The following KCNQ1OT1 variants were observed in gnomAD, a reference collection of about 807,000 sequenced individuals.
The protein encoded by KCNQ1OT1 is KCNQ1 opposite strand/antisense transcript 1.
chr11:2,683,491 T>A lies in KCNQ1OT1; in HGVS notation n.16504A>T. 2 of 398,638 alleles carry A rather than the reference T, an allele frequency of 5.0e-6. No homozygotes were observed. Among genetic ancestry groups the A allele is most frequent in the Admixed American group, 4.4e-5 (1 of 22,742 alleles). 24.7% of individuals were successfully genotyped at this position (398,638 alleles called of 1,614,324 possible). Reference sequence around the variant, plus strand: ...CAATGACAGTTTTCCTATTAAAACATAACTTGTTAAAGCATAGAGCTTAGT... The same window carrying A: ...CAATGACAGTTTTCCTATTAAAACAAAACTTGTTAAAGCATAGAGCTTAGT... On this transcript the variant is annotated non_coding_transcript_exon_variant, in exon 1 of 1. Coordinates refer to ENST00000597346, the Ensembl canonical transcript of KCNQ1OT1. This position sits in a 1 kb window ranked among gnomAD's most constrained non-coding sequence, Gnocchi z 4.7.
At chr11:2,610,655 A>G (rs564900053) in exon 1 of KCNQ1OT1, 121 of 390,788 alleles carry the variant, frequency 3.1e-4, no homozygotes, top group Middle Eastern at 6.3e-4. Flanking sequence ...TTTATCTGGG[A>G]ATGCTTTTAT....
In KCNQ1OT1 at chr11:2,642,185, T is replaced by C. The variant is rs1849590849; in HGVS notation, n.57810A>G. 1 of 398,384 alleles carries C rather than the reference T, an allele frequency of 2.5e-6. No individual in the cohort carries two copies. Among genetic ancestry groups the C allele is most frequent in the African/African-American group, 2.1e-5 (1 of 48,638 alleles). 24.7% of individuals were successfully genotyped at this position (398,384 alleles called of 1,614,324 possible). Reference sequence around the variant, plus strand: ...CATTGGTATTTTGAGAGAGACTGCATTGAATCTGTAGATTGCTTTGGGTAG... The same window carrying C: ...CATTGGTATTTTGAGAGAGACTGCACTGAATCTGTAGATTGCTTTGGGTAG... On this transcript the variant is annotated non_coding_transcript_exon_variant, in exon 1 of 1. Coordinates refer to ENST00000597346, the Ensembl canonical transcript of KCNQ1OT1. This position sits in a 1 kb window ranked among gnomAD's most constrained non-coding sequence, Gnocchi z 4.3.
At chr11:2,636,343 T>G (rs553467771) in exon 1 of KCNQ1OT1, 105 of 152,066 alleles carry the variant, frequency 6.9e-4, no homozygotes, top group African/African-American at 2.3e-3. Context: ...GCTCTTATTA[T>G]TTTGAGATAC....
In KCNQ1OT1 at chr11:2,658,366, A is replaced by C; in HGVS notation, n.41629T>G. Reference sequence around the variant, plus strand: ...ATTTTATCAGTGTGGATTTGGGAGTATTTATTTTTTGAGTTATAGTCCAAT... The same window carrying C: ...ATTTTATCAGTGTGGATTTGGGAGTCTTTATTTTTTGAGTTATAGTCCAAT... On this transcript the variant is annotated non_coding_transcript_exon_variant, in exon 1 of 1. Coordinates refer to ENST00000597346, the Ensembl canonical transcript of KCNQ1OT1. The surrounding 1 kb of genome is among the most constrained non-coding windows in gnomAD (Gnocchi z 4.9). 2.5e-6 allele frequency: 1 copy of C among 398,396 alleles called. No homozygotes were observed. The highest frequency in any genetic ancestry group is 4.4e-6 in the Non-Finnish European group (1 of 225,988). 24.7% of individuals were successfully genotyped at this position (398,396 alleles called of 1,614,324 possible).
chr11:2,646,702 G>A (rs974207201), exon 1 of KCNQ1OT1: 1 of 398,510 alleles, frequency 2.5e-6, no homozygotes. Flanking sequence ...TTTTTGTACT[G>A]ATGAGGTTTT....
chr11:2,620,517 A>T lies in KCNQ1OT1; in HGVS notation n.79478T>A. 2.6e-6 allele frequency: 1 copy of T among 387,360 alleles called. No individual in the cohort carries two copies. The highest frequency in any genetic ancestry group is 1.4e-4 in the South Asian group (1 of 6,926). The allele number at this position is 387,360 out of a possible 1,614,324, so 24.0% of individuals were successfully genotyped here. A position where few individuals can be genotyped will look rare whatever the true frequency, so the allele number is the denominator to read the frequency against. ...AGGTGAGAGCTACCGCACCTGGCCG[A>T]ATTCATTCATTTTTATGGCTGCATA... is the stretch of plus-strand genomic sequence containing the variant. On this transcript the variant is annotated non_coding_transcript_exon_variant, in exon 1 of 1. Transcript: ENST00000597346. The surrounding 1 kb of genome is among the most constrained non-coding windows in gnomAD (Gnocchi z 4.5).
At chr11:2,619,910 G>C (rs993422368) in exon 1 of KCNQ1OT1, 10 of 398,096 alleles carry the variant, frequency 2.5e-5, no homozygotes, top group Non-Finnish European at 4.4e-5. Context: ...TATGTTGCAT[G>C]GTATATGGAG....
exon 1 of KCNQ1OT1, chr11:2,615,113 C>T: frequency 2.5e-6 from 1 of 398,262 alleles, no homozygotes; most frequent in Non-Finnish European, 4.4e-6. Flanking sequence ...CTTTCACCTT[C>T]TTGTTTTAAT....
chr11:2,653,222 C>G lies in KCNQ1OT1; in HGVS notation n.46773G>C. 1 of 398,758 alleles carries G rather than the reference C, an allele frequency of 2.5e-6. No individual in the cohort carries two copies. The highest frequency in any genetic ancestry group is 4.4e-6 in the Non-Finnish European group (1 of 226,134). The allele number at this position is 398,758 out of a possible 1,614,324, so 24.7% of individuals were successfully genotyped here. A position where few individuals can be genotyped will look rare whatever the true frequency, so the allele number is the denominator to read the frequency against. On this transcript the variant is annotated non_coding_transcript_exon_variant, in exon 1 of 1. Coordinates refer to ENST00000597346, the Ensembl canonical transcript of KCNQ1OT1. This position sits in a 1 kb window ranked among gnomAD's most constrained non-coding sequence, Gnocchi z 5.3. The stretch of plus-strand genomic sequence containing the variant: ...GCAGGGCTAGGGCCAGGGCCTTGGC[C>G]TCAGGCCAGCTTCTTTCCCACAAGC...
At chr11:2,672,154 T>G (rs538484127) in exon 1 of KCNQ1OT1, 1 of 398,718 alleles carries the variant, frequency 2.5e-6, no homozygotes, top group African/African-American at 2.1e-5. Context: ...CTTTCAAAGT[T>G]GGGCTTGTTT....
chr11:2,682,156 A>C lies in KCNQ1OT1; in HGVS notation n.17839T>G, dbSNP rs1850409204. On this transcript the variant is annotated non_coding_transcript_exon_variant, in exon 1 of 1. Coordinates refer to ENST00000597346, the Ensembl canonical transcript of KCNQ1OT1. This position sits in a 1 kb window ranked among gnomAD's most constrained non-coding sequence, Gnocchi z 5.8. Reference sequence around the variant, plus strand: ...GCTCATCAAATATTCTTTCAGTATTAAACATATCAAGCTCTCTCCTGACCT... The same window carrying C: ...GCTCATCAAATATTCTTTCAGTATTCAACATATCAAGCTCTCTCCTGACCT... 6 of 398,466 alleles carry C rather than the reference A, an allele frequency of 1.5e-5. No individual in the cohort carries two copies. In the South Asian group the frequency reaches 7.7e-4, roughly 51 times the overall value. The allele number at this position is 398,466 out of a possible 1,614,324, so 24.7% of individuals were successfully genotyped here.
rs1475154639 is a variant in KCNQ1OT1, at chr11:2,674,831, TTAA to T, written n.25161_25163del. 566 of 365,864 alleles carry T rather than the reference TTAA, an allele frequency of 1.5e-3. No homozygotes were observed. Among genetic ancestry groups the T allele is most frequent in the East Asian group, 8.3e-3 (213 of 25,614 alleles). The allele number at this position is 365,864 out of a possible 1,614,324, so 22.7% of individuals were successfully genotyped here. A position where few individuals can be genotyped will look rare whatever the true frequency, so the allele number is the denominator to read the frequency against. On this transcript the variant is annotated non_coding_transcript_exon_variant, in exon 1 of 1. Transcript: ENST00000597346. This position sits in a 1 kb window ranked among gnomAD's most constrained non-coding sequence, Gnocchi z 5.9. The stretch of plus-strand genomic sequence containing the variant: ...GGCTTGTCACCCTAATAGCTGTTTT[TTAA>T]AAAAAAAAAAAAAAAAAAAAAAAAA...
At position 2,627,232 on chromosome 11, in the gene KCNQ1OT1, A is replaced by T. The variant is rs1849275417; in HGVS notation, n.72763T>A. The T allele has an allele frequency of 1.3e-5, 5 of 398,564 alleles. No homozygotes were observed. In the East Asian group the frequency reaches 1.8e-4, roughly 14 times the overall value. The allele number at this position is 398,564 out of a possible 1,614,324, so 24.7% of individuals were successfully genotyped here. A position where few individuals can be genotyped will look rare whatever the true frequency, so the allele number is the denominator to read the frequency against. ...AAATTAAAAGTGCATATATTTAAGAACATATTTGACCTACTGTGAAATGAT... is the reference window on the plus strand; with the variant it reads ...AAATTAAAAGTGCATATATTTAAGATCATATTTGACCTACTGTGAAATGAT... On this transcript the variant is annotated non_coding_transcript_exon_variant, in exon 1 of 1. Coordinates refer to ENST00000597346, the Ensembl canonical transcript of KCNQ1OT1. The surrounding 1 kb of genome is among the most constrained non-coding windows in gnomAD (Gnocchi z 4.9).
exon 1 of KCNQ1OT1, chr11:2,684,143 T>C (rs1162619668): frequency 2.5e-6 from 1 of 398,506 alleles, no homozygotes; most frequent in Non-Finnish European, 4.4e-6. Flanking sequence ...CCTTGAAGAA[T>C]GGGGTACACC....
rs970792015 is a variant in KCNQ1OT1 at position 2,657,737 on chromosome 11, G to A, written n.42258C>T. ...ATTACATTTATTGTCATCTCTGATC[G>A]GTGACGGGCTTCTCAGTCTTGTTCT... On this transcript the variant is annotated non_coding_transcript_exon_variant, in exon 1 of 1. Coordinates refer to ENST00000597346, the Ensembl canonical transcript of KCNQ1OT1. The surrounding 1 kb of genome is among the most constrained non-coding windows in gnomAD (Gnocchi z 4.8). 4.0e-5 allele frequency: 16 copies of A among 398,356 alleles called. No individual in the cohort carries two copies. Among genetic ancestry groups the A allele is most frequent in the African/African-American group, 1.4e-4 (7 of 48,564 alleles). 24.7% of individuals were successfully genotyped at this position (398,356 alleles called of 1,614,324 possible).
Position 2,661,103 on chromosome 11 carries a change from C to T in KCNQ1OT1, n.38892G>A, listed in dbSNP as rs927347930. On this transcript the variant is annotated non_coding_transcript_exon_variant, in exon 1 of 1. Coordinates refer to ENST00000597346, the Ensembl canonical transcript of KCNQ1OT1. This position sits in a 1 kb window ranked among gnomAD's most constrained non-coding sequence, Gnocchi z 5.9. ...CCCATGTGCATAAAAGCAACTCCCA[C>T]CTGGCATCTGCTGCTCGGATGAGCA... is the stretch of plus-strand genomic sequence containing the variant. The T allele has an allele frequency of 5.0e-6, 2 of 398,456 alleles. No individual in the cohort carries two copies. Among genetic ancestry groups the T allele is most frequent in the Non-Finnish European group, 8.8e-6 (2 of 226,056 alleles). The allele number at this position is 398,456 out of a possible 1,614,324, so 24.7% of individuals were successfully genotyped here.
chr11:2,678,225 T>C lies in KCNQ1OT1; in HGVS notation n.21770A>G. ...CATAGTCAGCTGTGTCAGTCTTTTA[T>C]GGTTTGAGGTCCTTATCTTAAATTC... On this transcript the variant is annotated non_coding_transcript_exon_variant, in exon 1 of 1. Coordinates refer to ENST00000597346, the Ensembl canonical transcript of KCNQ1OT1. The surrounding 1 kb of genome is among the most constrained non-coding windows in gnomAD (Gnocchi z 4.9). The C allele has an allele frequency of 5.0e-6, 2 of 398,430 alleles. No homozygotes were observed. The highest frequency in any genetic ancestry group is 4.4e-6 in the Non-Finnish European group (1 of 225,972). The allele number at this position is 398,430 out of a possible 1,614,324, so 24.7% of individuals were successfully genotyped here.
In KCNQ1OT1 at chr11:2,658,098, G is replaced by GC. The variant is rs1849884036; in HGVS notation, n.41896dup. The GC allele has an allele frequency of 2.5e-6, 1 of 398,404 alleles. No individual in the cohort carries two copies. Among genetic ancestry groups the GC allele is most frequent in the African/African-American group, 2.1e-5 (1 of 48,590 alleles). The allele number at this position is 398,404 out of a possible 1,614,324, so 24.7% of individuals were successfully genotyped here. A position where few individuals can be genotyped will look rare whatever the true frequency, so the allele number is the denominator to read the frequency against. ...AGGGAGGGGTTCAACTCTACCTCCT[G>GC]CAGGAGAGTATCAAAAAAAATCTGC... On this transcript the variant is annotated non_coding_transcript_exon_variant, in exon 1 of 1. Coordinates refer to ENST00000597346, the Ensembl canonical transcript of KCNQ1OT1. This position sits in a 1 kb window ranked among gnomAD's most constrained non-coding sequence, Gnocchi z 4.9.
At position 2,698,756 on chromosome 11, in the gene KCNQ1OT1, A is replaced by G. The variant is rs1850720189; in HGVS notation, n.1239T>C. The G allele has an allele frequency of 5.0e-6, 2 of 398,698 alleles. No homozygotes were observed. The highest frequency in any genetic ancestry group is 4.1e-5 in the African/African-American group (2 of 48,568). The allele number at this position is 398,698 out of a possible 1,614,324, so 24.7% of individuals were successfully genotyped here. A position where few individuals can be genotyped will look rare whatever the true frequency, so the allele number is the denominator to read the frequency against. On this transcript the variant is annotated non_coding_transcript_exon_variant, in exon 1 of 1. Transcript: ENST00000597346. The surrounding 1 kb of genome is among the most constrained non-coding windows in gnomAD (Gnocchi z 5.1). ...CTCCCTTGGATCTCAACTCAGAGCC[A>G]TGATGCAGACTCCAGACCGGGATTC...
Sources: allele counts gnomAD v4.1 joint callset, GRCh38; gene constraint gnomAD v4.1.1; non-coding constraint Gnocchi (gnomAD v3.1); transcripts MANE v1.5; gene names NCBI Gene and HGNC (gene_info 2026-07-23, HGNC 2026-07-21).